Variants in ZNF254 observed in about 807,000 individuals in gnomAD.
The protein encoded by ZNF254 is zinc finger protein 254.
ZNF254 carries 10 observed loss-of-function variants against 12.4 expected under a neutral mutation model. The ratio of observed to expected loss-of-function variants is 0.80; its 90% CI spans 0.50 to 1.36. The LOEUF (loss-of-function observed/expected upper bound fraction) is 1.36, where lower values mean the gene tolerates loss of function less well. Among genes scored for constraint, ZNF254 ranks in the 40% most tolerant of loss-of-function variants. The pLI, the probability that ZNF254 is intolerant of heterozygous loss-of-function variation, is 0.00. For missense variants in ZNF254, 996 were observed against 763.9 expected, an observed-to-expected ratio of 1.30 and a Z score of -3.58; for synonymous variants, 305 against 253.4, an observed-to-expected ratio of 1.20 and a Z score of -1.93.
At chr19:24,076,355 C>T (rs1971659152) in intron 2 of ZNF254, among the ~76,000 whole-genome samples, 1 of 152,170 alleles carries the variant, frequency 6.6e-6, no homozygotes, top group African/African-American at 2.4e-5. Flanking sequence ...TTCAGCCAGT[C>T]CCTCCGTTTG....
intron 1 of ZNF254, among the ~76,000 whole-genome samples, chr19:24,043,970 G>C (rs1317566263): frequency 2.0e-5 from 3 of 152,236 alleles, no homozygotes; most frequent in African/African-American, 7.2e-5. Context: ...GCTGGGCGTG[G>C]TGGCTCACGC....
At chr19:24,126,049 T>C (rs886861014) in intron 3 of ZNF254, among the ~76,000 whole-genome samples, 1 of 152,172 alleles carries the variant, frequency 6.6e-6, no homozygotes, top group African/African-American at 2.4e-5. Flanking sequence ...CTGCACACAC[T>C]TAAATCATTT....
chr19:24,089,962 G>A (rs1203996952), intron 1 of ZNF254, among the ~76,000 whole-genome samples: 1 of 151,684 alleles, frequency 6.6e-6, no homozygotes, highest in Non-Finnish European at 1.5e-5. Flanking sequence ...AGGCCAAGGA[G>A]GGTGGATCAC....
At chr19:24,121,914 GT>G (rs1974510303) in intron 3 of ZNF254, among the ~76,000 whole-genome samples, 2 of 151,846 alleles carry the variant, frequency 1.3e-5, no homozygotes, top group Admixed American at 6.6e-5. Context: ...GTTGTGAATG[GT>G]TTTCTAATCC....
At chr19:24,088,801 C>T (rs1312181747) in intron 1 of ZNF254, among the ~76,000 whole-genome samples, 1 of 151,700 alleles carries the variant, frequency 6.6e-6, no homozygotes, top group Non-Finnish European at 1.5e-5. Context: ...GAATTATAGG[C>T]GCCCGCCCCC....
At position 24,129,135 on chromosome 19, in the gene ZNF254, A is replaced by G. The variant is rs1975083728; in HGVS notation, c.*1155A>G. ...AGAGGCTCTTTGTGGTTAACTTATA[A>G]TATTGAGTGATGCATGAGGTAGGTG... On this transcript the variant is annotated 3_prime_UTR_variant, in exon 4 of 4. Coordinates refer to ENST00000357002, the MANE Select transcript of ZNF254 (RefSeq NM_203282.4). 1 of 152,062 alleles carries G rather than the reference A, an allele frequency of 6.6e-6. No homozygotes were observed. The allele number at this position is 152,062 out of a possible 1,614,324, so 9.4% of individuals were successfully genotyped here. A position where few individuals can be genotyped will look rare whatever the true frequency, so the allele number is the denominator to read the frequency against.
At chr19:24,110,106 T>G (rs1973576639) in intron 3 of ZNF254, among the ~76,000 whole-genome samples, 1 of 152,204 alleles carries the variant, frequency 6.6e-6, no homozygotes, top group African/African-American at 2.4e-5. Context: ...CACCATGTGT[T>G]TAATGATAAA....
In ZNF254 at chr19:24,127,391, G is replaced by A. The variant is rs777276230; in HGVS notation, c.1391G>A (p.Cys464Tyr). ...RIHTREKPYKCEECGKAFIWS... is the reference protein window; with the variant it reads ...RIHTREKPYKYEECGKAFIWS... ...CATACTAGAGAGAAACCCTACAAAT[G>A]TGAAGAATGTGGCAAGGCATTTATA... Residue 464 changes from cysteine to tyrosine, a missense_variant, in exon 4 of 4, where the codon TGT becomes TAT. By Grantham distance (194) the Cys-to-Tyr change is radical. Coordinates refer to ENST00000357002, the MANE Select transcript of ZNF254 (RefSeq NM_203282.4). The A allele has an allele frequency of 1.9e-6, 3 of 1,612,238 alleles. No individual in the cohort carries two copies. The highest frequency in any genetic ancestry group is 4.5e-5 in the East Asian group (2 of 44,790).
intron 1 of ZNF254, among the ~76,000 whole-genome samples, chr19:24,093,410 G>GT (rs1972506907): frequency 6.6e-6 from 1 of 152,008 alleles, no homozygotes; most frequent in Non-Finnish European, 1.5e-5. Flanking sequence ...ATCTTCCAGG[G>GT]TTTTTTATAA....
chr19:24,125,552 T>C (rs1381086672), intron 3 of ZNF254, among the ~76,000 whole-genome samples: 3 of 152,172 alleles, frequency 2.0e-5, no homozygotes, highest in African/African-American at 7.2e-5. Flanking sequence ...TGTAGCTTTG[T>C]CATGGCATAT....
At chr19:24,042,339 T>A (rs1970203940) in intron 1 of ZNF254, among the ~76,000 whole-genome samples, 1 of 152,150 alleles carries the variant, frequency 6.6e-6, no homozygotes, top group Admixed American at 6.5e-5. Flanking sequence ...AGGATGTGGG[T>A]GGGGCCAGAT....
chr19:24,124,624 T>C (rs1974704183), intron 3 of ZNF254, among the ~76,000 whole-genome samples: 1 of 152,130 alleles, frequency 6.6e-6, no homozygotes, highest in East Asian at 1.9e-4. Context: ...ATGGTATTAT[T>C]CTCAATTAAT....
In ZNF254 at chr19:24,127,925, C is replaced by A. The variant is rs781639525; in HGVS notation, c.1925C>A (p.Ser642Tyr). Residue 642 changes from serine (S) to tyrosine (Y), a missense_variant, in exon 4 of 4, where the codon TCC (serine) becomes TAC (tyrosine). Transcript: ENST00000357002. ...AAATTTGGCAAAGCCTTTAATCGGT[C>A]CTCGCACCTCACCACAGATAAGATA... Reference protein sequence around the residue: ...WEKFGKAFNRSSHLTTDKITH... With the variant: ...WEKFGKAFNRYSHLTTDKITH... 2.5e-6 allele frequency: 4 copies of A among 1,604,670 alleles called. No individual in the cohort carries two copies. The African/African-American group carries it at 4.0e-5, about 16-fold the overall frequency.
intron 2 of ZNF254, among the ~76,000 whole-genome samples, chr19:24,068,139 T>A (rs1201495617): frequency 6.6e-6 from 1 of 152,226 alleles, no homozygotes; most frequent in Non-Finnish European, 1.5e-5. Context: ...AACGTGGCTC[T>A]CCTCACCTAC....
At position 24,105,719 on chromosome 19, in the gene ZNF254, G is replaced by A. The variant is rs376264634; in HGVS notation, c.31-221G>A. The A allele has an allele frequency of 9.5e-6, 5 of 526,218 alleles. No individual in the cohort carries two copies. In the African/African-American group the frequency reaches 1.0e-4, roughly 11 times the overall value. The allele number at this position is 526,218 out of a possible 1,614,324, so 32.6% of individuals were successfully genotyped here. A position where few individuals can be genotyped will look rare whatever the true frequency, so the allele number is the denominator to read the frequency against. ...ATTTTACATGTTATCTTCCAGACAA[G>A]TATCACATATACACTGATGTGGATA... On this transcript the variant is annotated intron_variant, in intron 1 of 3. Coordinates refer to ENST00000357002, the MANE Select transcript of ZNF254 (RefSeq NM_203282.4).
chr19:24,081,592 A>C (rs771451538), intron 2 of ZNF254, among the ~76,000 whole-genome samples: 31 of 152,316 alleles, frequency 2.0e-4, no homozygotes, highest in Middle Eastern at 3.4e-3. Context: ...CAGGTAACCC[A>C]GGCCTGTGAA....
intron 2 of ZNF254, chr19:24,080,341 CTG>C (rs1346808923): frequency 2.0e-5 from 3 of 152,194 alleles, no homozygotes; most frequent in Non-Finnish European, 4.4e-5. Flanking sequence ...AGGTTGCACA[CTG>C]TAAGAAAACT....
chr19:24,109,896 T>G (rs1396327877), intron 3 of ZNF254, among the ~76,000 whole-genome samples: 1 of 136,604 alleles, frequency 7.3e-6, no homozygotes, highest in Non-Finnish European at 1.6e-5. Context: ...TAATTTTGTA[T>G]TTTTTTTTTT....
intron 3 of ZNF254, among the ~76,000 whole-genome samples, chr19:24,124,149 G>A (rs1413283422): frequency 2.6e-5 from 4 of 151,474 alleles, no homozygotes; most frequent in African/African-American, 4.9e-5. Flanking sequence ...AAATATTTTT[G>A]TGGTACATTG....
Sources: allele counts gnomAD v4.1 joint callset (sites outside exome capture counted in the v4.1 genomes callset), GRCh38; gene constraint gnomAD v4.1.1; transcripts MANE v1.5; gene names NCBI Gene and HGNC (gene_info 2026-07-23, HGNC 2026-07-21).